Variants in IRAK1BP1 observed in about 807,000 individuals in gnomAD.
IRAK1BP1 encodes interleukin-1 receptor-associated kinase 1-binding protein 1.
In IRAK1BP1, 24 loss-of-function variants were observed where a neutral mutation model predicts 28.0. That is an observed-to-expected ratio of 0.86 (90% CI 0.62 to 1.20). The LOEUF is 1.20. Among genes scored for constraint, IRAK1BP1 ranks in the 50% most tolerant of loss-of-function variants. The pLI, the probability that IRAK1BP1 is intolerant of heterozygous loss-of-function variation, is 0.00. For missense variants in IRAK1BP1, 336 were observed against 316.7 expected (o/e 1.06, Z -0.46); for synonymous variants, 131 against 116.3 (o/e 1.13, Z -0.81).
At chr6:78,934,294 A>G (rs1256979253) in intron 4 of IRAK1BP1, among the ~76,000 whole-genome samples, 2 of 152,232 alleles carry the variant, frequency 1.3e-5, no homozygotes, top group Non-Finnish European at 2.9e-5. Flanking sequence ...AGTTGGAAAT[A>G]TCGCAATTAC....
chr6:78,925,584 C>T (rs1221950579), intron 4 of IRAK1BP1, among the ~76,000 whole-genome samples: 1 of 152,044 alleles, frequency 6.6e-6, no homozygotes, highest in Admixed American at 6.6e-5. Context: ...TACACTGCTG[C>T]TGGTAGGAAT....
At chr6:78,919,982 G>A (rs557775275) in intron 4 of IRAK1BP1, among the ~76,000 whole-genome samples, 9 of 152,322 alleles carry the variant, frequency 5.9e-5, no homozygotes, top group East Asian at 1.9e-4. Flanking sequence ...TTGGTGGGGC[G>A]TGGTGGCTTA....
chr6:78,867,932 C>G (rs1770643386), intron 1 of IRAK1BP1, 41 bp downstream of exon 1: 1 of 1,496,568 alleles, frequency 6.7e-7, no homozygotes, highest in Admixed American at 2.2e-5. Flanking sequence ...CCGGAAGACA[C>G]AAAAGGGTTG....
chr6:78,968,531 G>T, the IRAK1BP1 span, among the ~76,000 whole-genome samples: 1 of 152,198 alleles, frequency 6.6e-6, no homozygotes, highest in Non-Finnish European at 1.5e-5. Context: ...TGTATGCAAA[G>T]ATTTTGGTAT....
the IRAK1BP1 span, chr6:78,955,429 C>G: frequency 1.6e-6 from 1 of 622,678 alleles, no homozygotes; most frequent in East Asian, 3.1e-5. Context: ...AAAAAGGTTC[C>G]CCCCATTAAA....
At chr6:78,911,132 T>A (rs899499768) in intron 4 of IRAK1BP1, among the ~76,000 whole-genome samples, 10 of 152,036 alleles carry the variant, frequency 6.6e-5, no homozygotes, top group Admixed American at 6.5e-5. Context: ...TTCCCCTAAC[T>A]TCCTCTCAGG....
intron 2 of IRAK1BP1, among the ~76,000 whole-genome samples, chr6:78,889,161 A>C (rs1771540114): frequency 6.6e-6 from 1 of 151,518 alleles, no homozygotes; most frequent in South Asian, 2.1e-4. Flanking sequence ...AGATGGTGGA[A>C]CATTACTTTT....
At chr6:78,945,383 T>C (rs1773752323) in intron 4 of IRAK1BP1, 1 of 1,613,580 alleles carries the variant, frequency 6.2e-7, no homozygotes, top group Non-Finnish European at 8.5e-7. Flanking sequence ...GACTGGCTTT[T>C]CCTTTTCCAT....
chr6:78,948,690 T>TAGAATGTTGCTGAGACTGGTCTC (rs1393549114), downstream of IRAK1BP1, among the ~76,000 whole-genome samples: 5 of 152,100 alleles, frequency 3.3e-5, no homozygotes, highest in Non-Finnish European at 7.4e-5. Flanking sequence ...AGACGGGTCT[T>TAGAATGTTGCTGAGACTGGTCTC]AGCATGTTGC....
At chr6:78,963,376 CTT>C in the IRAK1BP1 span, 86 of 642,210 alleles carry the variant, frequency 1.3e-4, no homozygotes, top group African/African-American at 1.4e-3. Context: ...TAAATATACT[CTT>C]TATTTTAACA....
chr6:78,940,750 A>G, intron 4 of IRAK1BP1: 4 of 1,613,558 alleles, frequency 2.5e-6, no homozygotes, highest in Non-Finnish European at 3.4e-6. Flanking sequence ...CTCGTCCTCT[A>G]CTAGAAGTTC....
At chr6:78,955,586 T>C in the IRAK1BP1 span, 8 of 736,934 alleles carry the variant, frequency 1.1e-5, no homozygotes, top group African/African-American at 1.4e-4. Context: ...AATATCAATA[T>C]GGTAATAATA....
intron 4 of IRAK1BP1, among the ~76,000 whole-genome samples, chr6:78,910,922 A>G (rs1016628814): frequency 6.6e-6 from 1 of 152,206 alleles, no homozygotes; most frequent in Non-Finnish European, 1.5e-5. Context: ...AGGGGTCTGA[A>G]CCGCTCCTTG....
downstream of IRAK1BP1, among the ~76,000 whole-genome samples, chr6:78,907,518 T>G (rs1173733523): frequency 6.6e-6 from 1 of 152,120 alleles, no homozygotes; most frequent in Non-Finnish European, 1.5e-5. Flanking sequence ...AGAAGATCCT[T>G]TCCTGAGGAA....
At chr6:78,971,047 T>C in the IRAK1BP1 span, among the ~76,000 whole-genome samples, 474 of 152,308 alleles carry the variant, frequency 3.1e-3, 2 homozygotes, top group African/African-American at 0.01. Flanking sequence ...TGTCTTAACA[T>C]CACTAAATCA....
Position 78,898,239 on chromosome 6 carries a change from CA to C in IRAK1BP1, c.690del (p.Gln230HisfsTer17). On this transcript the variant is annotated frameshift_variant, in exon 4 of 4. Transcript: ENST00000369940. LOFTEE classifies it high-confidence loss of function. ...SSRLSSSLTV[Q>X]QKIKSATIHA... ...CAGACTCTCAAGTTCATTAACTGTA[CA>C]ACAAAAAATCAAAAGTGCAACAATA... 1 of 1,612,626 alleles carries C rather than the reference CA, an allele frequency of 6.2e-7. No homozygotes were observed. Among genetic ancestry groups the C allele is most frequent in the Non-Finnish European group, 8.5e-7 (1 of 1,179,534 alleles).
chr6:78,940,882 G>A, intron 4 of IRAK1BP1: 1 of 1,613,842 alleles, frequency 6.2e-7, no homozygotes, highest in Non-Finnish European at 8.5e-7. Flanking sequence ...CAGAGCCTTT[G>A]AGTTCTTCAA....
chr6:78,928,212 T>G (rs1185698096), intron 4 of IRAK1BP1, among the ~76,000 whole-genome samples: 1 of 152,150 alleles, frequency 6.6e-6, no homozygotes, highest in Non-Finnish European at 1.5e-5. Context: ...GTTTTATAGT[T>G]TTCATTATAG....
At chr6:78,963,769 T>A in the IRAK1BP1 span, among the ~76,000 whole-genome samples, 25 of 152,230 alleles carry the variant, frequency 1.6e-4, no homozygotes, top group Non-Finnish European at 2.4e-4. Context: ...TTAACAGTTT[T>A]AGCTGAGAGA....
Sources: allele counts gnomAD v4.1 joint callset (sites outside exome capture counted in the v4.1 genomes callset), GRCh38; gene constraint gnomAD v4.1.1; transcripts MANE v1.5; gene names NCBI Gene and HGNC (gene_info 2026-07-23, HGNC 2026-07-21).